NR2F1-AS1: variants seen among roughly 807,000 people sequenced by gnomAD.
The protein encoded by NR2F1-AS1 is NR2F1 antisense RNA 1.
In NR2F1-AS1 at chr5:93,452,977, GA is replaced by G. The variant is rs769054286; in HGVS notation, n.639-57436del. Among the ~76,000 whole-genome samples the G allele has an allele frequency of 1.1e-3, 163 of 151,926 alleles. 1 individual carries two copies. The highest frequency in any genetic ancestry group is 1.2e-3 in the South Asian group (6 of 4,804). On this transcript the variant is annotated intron_variant and non_coding_transcript_variant, in intron 4 of 5. Transcript: ENST00000660523. ...CAAGAAATATTACCCATAATCCAAA[GA>G]AAACACAATCAATAGAAACCTAGAG...
chr5:93,584,912 G>GCCCCCTCCCCCT (rs1753200161), upstream of NR2F1-AS1: 4 of 23,704 alleles, frequency 1.7e-4, no homozygotes, highest in African/African-American at 5.1e-4. Context: ...CGGGCCCCCC[G>GCCCCCTCCCCCT]CCCCCTCCCC....
intron 4 of NR2F1-AS1, among the ~76,000 whole-genome samples, chr5:93,482,858 C>T (rs1054673197): frequency 1.3e-5 from 2 of 152,166 alleles, no homozygotes; most frequent in African/African-American, 2.4e-5. Flanking sequence ...GGGCAGAGCC[C>T]ACTGCAGCAT....
intron 4 of NR2F1-AS1, among the ~76,000 whole-genome samples, chr5:93,539,749 A>C (rs1290633097): frequency 6.6e-6 from 1 of 152,176 alleles, no homozygotes; most frequent in East Asian, 1.9e-4. Flanking sequence ...AAACAGCAAG[A>C]AGAGAGGCCT....
chr5:93,532,109 T>C (rs1751747921), intron 4 of NR2F1-AS1, among the ~76,000 whole-genome samples: 1 of 152,130 alleles, frequency 6.6e-6, no homozygotes, highest in African/African-American at 2.4e-5. Flanking sequence ...CTACCTCTGG[T>C]GGCTTAGGTG....
At chr5:93,459,236 A>G (rs1750036209) in intron 4 of NR2F1-AS1, among the ~76,000 whole-genome samples, 1 of 152,002 alleles carries the variant, frequency 6.6e-6, no homozygotes, top group African/African-American at 2.4e-5. Flanking sequence ...AATATTTGAA[A>G]TATTCAATAT....
At chr5:93,493,625 G>A (rs1395365455) in intron 4 of NR2F1-AS1, among the ~76,000 whole-genome samples, 1 of 152,030 alleles carries the variant, frequency 6.6e-6, no homozygotes. Context: ...AACCCAAGCA[G>A]TATGGTATTG....
intron 1 of NR2F1-AS1, among the ~76,000 whole-genome samples, chr5:93,575,017 G>T (rs1235931831): frequency 4.6e-5 from 7 of 152,184 alleles, no homozygotes; most frequent in African/African-American, 1.4e-4. Context: ...CCTGCAGCCT[G>T]GGGGGGTGTC....
rs367679763 is a variant in NR2F1-AS1, at chr5:93,475,111, G to A, written n.638+78650C>T. On this transcript the variant is annotated intron_variant and non_coding_transcript_variant, in intron 4 of 5. Coordinates refer to ENST00000660523, the Ensembl canonical transcript of NR2F1-AS1. ...TGCACTCCAGCCTGGGCAACAGAGC[G>A]AGACTCCATCTCAAAAAAAAAAAAA... is the stretch of plus-strand genomic sequence containing the variant. Among the ~76,000 whole-genome samples, 337 of 144,348 alleles carry A rather than the reference G, an allele frequency of 2.3e-3. 1 individual carries two copies. The highest frequency in any genetic ancestry group is 8.5e-3 in the African/African-American group (324 of 38,122). The allele number at this position is 144,348 out of a possible 152,430, so 94.7% of individuals were successfully genotyped here.
chr5:93,550,115 T>TA (rs547588031), intron 4 of NR2F1-AS1, among the ~76,000 whole-genome samples: 6,725 of 141,834 alleles, frequency 0.047, 205 homozygotes, highest in South Asian at 0.072. Context: ...AAAGTATAAT[T>TA]AAAAAAAAAA....
At chr5:93,483,940 A>G (rs1750657510) in intron 4 of NR2F1-AS1, among the ~76,000 whole-genome samples, 1 of 152,190 alleles carries the variant, frequency 6.6e-6, no homozygotes, top group African/African-American at 2.4e-5. Flanking sequence ...TCCAAGAAAT[A>G]TGGGACTATG....
chr5:93,443,153 G>C (rs1478244390), intron 4 of NR2F1-AS1, among the ~76,000 whole-genome samples: 1 of 152,218 alleles, frequency 6.6e-6, no homozygotes, highest in Admixed American at 6.5e-5. Context: ...CCAAAGGAAT[G>C]CAGCTCCTCA....
intron 4 of NR2F1-AS1, among the ~76,000 whole-genome samples, chr5:93,421,578 T>C (rs545267481): frequency 6.6e-6 from 1 of 152,290 alleles, no homozygotes; most frequent in South Asian, 2.1e-4. Flanking sequence ...TCAGCTGCTA[T>C]GAAAGTTATA....
intron 4 of NR2F1-AS1, among the ~76,000 whole-genome samples, chr5:93,438,907 T>G (rs1749499876): frequency 6.6e-6 from 1 of 152,224 alleles, no homozygotes; most frequent in Non-Finnish European, 1.5e-5. Context: ...TCCTTATTCA[T>G]AAAAAGATTT....
intron 4 of NR2F1-AS1, among the ~76,000 whole-genome samples, chr5:93,414,193 A>G (rs969724578): frequency 1.3e-5 from 2 of 152,226 alleles, no homozygotes; most frequent in Non-Finnish European, 2.9e-5. Flanking sequence ...CCAAAGTCCT[A>G]TGATCTTTCA....
chr5:93,415,295 TG>T (rs1190502569), intron 4 of NR2F1-AS1, among the ~76,000 whole-genome samples: 2 of 151,912 alleles, frequency 1.3e-5, no homozygotes, highest in Non-Finnish European at 2.9e-5. Context: ...ATGTCTTTTT[TG>T]GGGGAGGTAG....
At chr5:93,545,671 GT>G (rs1752068338) in intron 4 of NR2F1-AS1, among the ~76,000 whole-genome samples, 1 of 152,068 alleles carries the variant, frequency 6.6e-6, no homozygotes, top group African/African-American at 2.4e-5. Flanking sequence ...TTAAACATTA[GT>G]CATTTTTTGG....
chr5:93,579,917 C>G lies in NR2F1-AS1; in HGVS notation n.313+550G>C, dbSNP rs1213471092. ...CGCTGACACTATCGCCCACATCAGA[C>G]AGGCAGCCATCGATCGCGTTACATT... On this transcript the variant is annotated intron_variant and non_coding_transcript_variant, in intron 1 of 5. Transcript: ENST00000660523. This position sits in a 1 kb window ranked among gnomAD's most constrained non-coding sequence, Gnocchi z 5.1. 6.6e-6 allele frequency among the ~76,000 whole-genome samples: 1 copy of G among 152,220 alleles called. No individual in the cohort carries two copies. The highest frequency in any genetic ancestry group is 1.5e-5 in the Non-Finnish European group (1 of 68,044).
chr5:93,523,117 A>G (rs1751537569), intron 4 of NR2F1-AS1, among the ~76,000 whole-genome samples: 1 of 152,182 alleles, frequency 6.6e-6, no homozygotes, highest in Non-Finnish European at 1.5e-5. Context: ...TTGCTCTGCC[A>G]GCACAGCAGT....
chr5:93,576,147 A>G (rs1022226006), intron 1 of NR2F1-AS1, among the ~76,000 whole-genome samples: 2 of 152,198 alleles, frequency 1.3e-5, no homozygotes, highest in African/African-American at 4.8e-5. Context: ...TCCCTTTCAC[A>G]CCAACCTGAG....
Sources: allele counts gnomAD v4.1 joint callset (sites outside exome capture counted in the v4.1 genomes callset), GRCh38; gene constraint gnomAD v4.1.1; non-coding constraint Gnocchi (gnomAD v3.1); transcripts MANE v1.5; gene names NCBI Gene and HGNC (gene_info 2026-07-23, HGNC 2026-07-21).